The following OIT3 variants were observed in gnomAD, a reference collection of about 807,000 sequenced individuals.
OIT3 encodes the protein oncoprotein induced transcript 3, also known as oncoprotein-induced transcript 3 protein.
In OIT3, 41 loss-of-function variants were observed where a neutral mutation model predicts 52.2. The ratio of observed to expected loss-of-function variants is 0.79; its 90% CI spans 0.61 to 1.02. The LOEUF (loss-of-function observed/expected upper bound fraction) is 1.02. Ranked by LOEUF, OIT3 falls within the 50% of genes least tolerant of loss-of-function variation. The probability of loss-of-function intolerance (pLI) is 0.00; values close to 1 mark genes in which losing one functional copy is unlikely to be tolerated. For missense variants in OIT3, 634 were observed against 715.5 expected, an observed-to-expected ratio of 0.89 and a Z score of 1.30; for synonymous variants, 244 against 276.9, an observed-to-expected ratio of 0.88 and a Z score of 1.18.
chr10:72,922,187 T>A (rs1372492627), intron 6 of OIT3, among the ~76,000 whole-genome samples: 1 of 152,170 alleles, frequency 6.6e-6, no homozygotes, highest in Non-Finnish European at 1.5e-5. Context: ...GTGGAGTATC[T>A]TACTGGGGTT....
intron 6 of OIT3, among the ~76,000 whole-genome samples, chr10:72,915,283 G>C (rs990278527): frequency 1.3e-5 from 2 of 152,170 alleles, no homozygotes; most frequent in African/African-American, 4.8e-5. Flanking sequence ...TTAGGAGGTA[G>C]AAAGAAGTTC....
intron 3 of OIT3, among the ~76,000 whole-genome samples, chr10:72,901,104 A>G (rs1488564544): frequency 6.6e-6 from 1 of 152,140 alleles, no homozygotes; most frequent in African/African-American, 2.4e-5. Flanking sequence ...TTGGTTATAT[A>G]TCAAAGTGAA....
intron 6 of OIT3, among the ~76,000 whole-genome samples, chr10:72,915,411 A>G (rs1346904065): frequency 6.6e-6 from 1 of 152,208 alleles, no homozygotes; most frequent in Non-Finnish European, 1.5e-5. Flanking sequence ...TTCTTTAGCA[A>G]TTAAGTATTG....
At chr10:72,908,111 C>T (rs1236997195) in intron 4 of OIT3, among the ~76,000 whole-genome samples, 2 of 151,958 alleles carry the variant, frequency 1.3e-5, no homozygotes, top group Non-Finnish European at 2.9e-5. Flanking sequence ...GGCGTGGTGG[C>T]GGGCGCCTGT....
chr10:72,913,691 C>T (rs1235655941), intron 6 of OIT3: 1 of 646,196 alleles, frequency 1.5e-6, no homozygotes, highest in Admixed American at 2.1e-5. Context: ...TTCAAATAGT[C>T]CCATCTCTCC....
intron 6 of OIT3, chr10:72,917,992 CA>C (rs2132942061): frequency 1.2e-6 from 1 of 809,646 alleles, no homozygotes; most frequent in Non-Finnish European, 2.2e-6. Context: ...TCATTATCAT[CA>C]TTATCTTCAT....
chr10:72,924,276 C>T lies in OIT3; in HGVS notation c.999C>T (p.Pro333=). 1 of 1,612,680 alleles carries T rather than the reference C, an allele frequency of 6.2e-7. No homozygotes were observed. The highest frequency in any genetic ancestry group is 8.5e-7 in the Non-Finnish European group (1 of 1,179,178). ...CCAGCAACCTCGTGACAGGTCTACCCAAGCAGACCCCGGGGAGCAGCGGGG... is the reference window on the plus strand; with the variant it reads ...CCAGCAACCTCGTGACAGGTCTACCTAAGCAGACCCCGGGGAGCAGCGGGG... ...IVASNLVTGL[P]KQTPGSSGDF... Residue 333 remains proline, a synonymous_variant, in exon 7 of 9, where the codon CCC becomes CCT. Transcript: ENST00000334011.
chr10:72,932,417 C>A lies in OIT3; in HGVS notation c.1531C>A (p.Gln511Lys). The change falls in exon 9 of 9, where the codon CAG (glutamine) becomes AAG (lysine). Residue 511 changes from glutamine to lysine, a missense_variant. Transcript: ENST00000334011. ...GTTGGACGAGCGTTCCCGCTGTGCCCAGGGTTGCCACCGGCGAATGCGTCG... is the reference window on the plus strand; with the variant it reads ...GTTGGACGAGCGTTCCCGCTGTGCCAAGGGTTGCCACCGGCGAATGCGTCG... ...GVLDERSRCAQGCHRRMRRGA... is the reference protein window; with the variant it reads ...GVLDERSRCAKGCHRRMRRGA... 1.9e-6 allele frequency: 3 copies of A among 1,614,180 alleles called. No individual in the cohort carries two copies. The highest frequency in any genetic ancestry group is 2.5e-6 in the Non-Finnish European group (3 of 1,180,010).
intron 1 of OIT3, among the ~76,000 whole-genome samples, chr10:72,894,182 CA>C (rs201364848): frequency 0.055 from 7,269 of 131,434 alleles, 293 homozygotes; most frequent in East Asian, 0.24. Flanking sequence ...CTTGAAGAGC[CA>C]AAAAAAAAAA....
chr10:72,919,144 TCTC>T (rs1458548420), intron 6 of OIT3, among the ~76,000 whole-genome samples: 2 of 152,210 alleles, frequency 1.3e-5, no homozygotes, highest in Admixed American at 1.3e-4. Flanking sequence ...GGTTTATAGT[TCTC>T]CTTTTAGAGA....
rs1425170482 is a variant in OIT3 at position 72,898,905 on chromosome 10, A to C, written c.303A>C (p.Gln101His). 5.0e-6 allele frequency: 8 copies of C among 1,614,114 alleles called. No individual in the cohort carries two copies. The highest frequency in any genetic ancestry group is 5.9e-6 in the Non-Finnish European group (7 of 1,180,040). Residue 101 changes from glutamine to histidine, a missense_variant, in exon 2 of 9, where the codon CAA (glutamine) becomes CAC (histidine). Transcript: ENST00000334011. ...CCCTAGAAGGCGACGGCATTGTGCA[A>C]CGCCAGGCTTGTGCCAGCTTCAATG... ...SHPLEGDGIV[Q>H]RQACASFNGN...
Position 72,902,258 on chromosome 10 carries a change from T to G in OIT3, c.544+1774T>G, listed in dbSNP as rs535236828. Among the ~76,000 whole-genome samples the G allele has an allele frequency of 1.5e-3, 221 of 152,214 alleles. 2 individuals carry two copies. Among genetic ancestry groups the G allele is most frequent in the African/African-American group, 4.9e-3 (202 of 41,516 alleles). ...CTCTGCCCACCCTCATGTATTTCTGTTCAAAAATATTTGGCTTTATTTTAA... is the reference window on the plus strand; with the variant it reads ...CTCTGCCCACCCTCATGTATTTCTGGTCAAAAATATTTGGCTTTATTTTAA... On this transcript the variant is annotated intron_variant, in intron 3 of 8. Coordinates refer to ENST00000334011, the MANE Select transcript of OIT3 (RefSeq NM_152635.3).
At position 72,898,866 on chromosome 10, in the gene OIT3, C is replaced by T. The variant is rs866034015; in HGVS notation, c.264C>T (p.Leu88=). The T allele has an allele frequency of 1.2e-6, 2 of 1,614,210 alleles. No individual in the cohort carries two copies. The highest frequency in any genetic ancestry group is 1.7e-6 in the Non-Finnish European group (2 of 1,180,038). The change falls in exon 2 of 9, where the codon CTC becomes CTT. Residue 88 remains leucine, a synonymous_variant. Coordinates refer to ENST00000334011, the MANE Select transcript of OIT3 (RefSeq NM_152635.3). ...GTGGAACCCACGCACCTGTCTGGCTCAATGGCAGCCACCCCCTAGAAGGCG... is the reference window on the plus strand; with the variant it reads ...GTGGAACCCACGCACCTGTCTGGCTTAATGGCAGCCACCCCCTAGAAGGCG... ...NHCGTHAPVW[L]NGSHPLEGDG...
At chr10:72,907,945 A>G (rs918415672) in intron 4 of OIT3, among the ~76,000 whole-genome samples, 2 of 152,214 alleles carry the variant, frequency 1.3e-5, no homozygotes, top group African/African-American at 2.4e-5. Context: ...TATCACAACT[A>G]AAATTCCATC....
intron 1 of OIT3, among the ~76,000 whole-genome samples, chr10:72,894,468 G>T (rs1329809548): frequency 6.6e-6 from 1 of 152,186 alleles, no homozygotes; most frequent in Non-Finnish European, 1.5e-5. Flanking sequence ...CTGGAACAGA[G>T]GGTGGGGGTG....
At chr10:72,902,489 G>T (rs991431280) in intron 3 of OIT3, among the ~76,000 whole-genome samples, 5 of 152,072 alleles carry the variant, frequency 3.3e-5, no homozygotes, top group Non-Finnish European at 7.4e-5. Flanking sequence ...TGCTTCCAGG[G>T]TTTCTACAGT....
intron 4 of OIT3, 64 bp downstream of exon 4, chr10:72,906,782 A>T: frequency 6.8e-7 from 1 of 1,463,090 alleles, no homozygotes; most frequent in Non-Finnish European, 9.1e-7. Context: ...TTATTCTCTG[A>T]TGTTCAGGAA....
intron 1 of OIT3, among the ~76,000 whole-genome samples, chr10:72,895,450 G>A (rs1406503932): frequency 2.0e-5 from 3 of 152,168 alleles, no homozygotes; most frequent in African/African-American, 7.2e-5. Context: ...GATAAAGGGG[G>A]AACTTTGGGA....
rs1846046680 is a variant in OIT3 at position 72,913,358 on chromosome 10, C to G, written c.841C>G (p.Leu281Val). ...CATTGAAGTGAACATCCCCAGGGAG[C>G]TGGTTGGTGGCCTGGAGCTCTTCCT... ...NAIEVNIPRE[L>V]VGGLELFLTN... is the part of the protein sequence containing the mutation. The change falls in exon 6 of 9, where the codon CTG (leucine) becomes GTG (valine). Residue 281 changes from leucine to valine, a missense_variant. Physicochemically the swap from Leu to Val is conservative, Grantham distance 32. Transcript: ENST00000334011. 1 of 1,613,540 alleles carries G rather than the reference C, an allele frequency of 6.2e-7. No individual in the cohort carries two copies. The highest frequency in any genetic ancestry group is 1.1e-5 in the South Asian group (1 of 91,042).
Sources: allele counts gnomAD v4.1 joint callset (sites outside exome capture counted in the v4.1 genomes callset), GRCh38; gene constraint gnomAD v4.1.1; transcripts MANE v1.5; gene names NCBI Gene and HGNC (gene_info 2026-07-23, HGNC 2026-07-21).